The following TMEM117 variants were observed in gnomAD, a reference collection of about 807,000 sequenced individuals.
The protein encoded by TMEM117 is transmembrane protein 117.
TMEM117 carries 27 observed loss-of-function variants against 52.4 expected under a neutral mutation model. The observed-to-expected ratio is 0.51, with a 90% CI of 0.38 to 0.71. The LOEUF (loss-of-function observed/expected upper bound fraction) is 0.71, where lower values mean the gene tolerates loss of function less well. Ranked by LOEUF, TMEM117 falls within the 30% of genes least tolerant of loss-of-function variation. The probability of loss-of-function intolerance (pLI) is 0.00; values close to 1 mark genes in which losing one functional copy is unlikely to be tolerated. For synonymous variants in TMEM117, 215 were observed against 206.3 expected, an observed-to-expected ratio of 1.04 and a Z score of -0.36; for missense variants, 556 against 630.5, an observed-to-expected ratio of 0.88 and a Z score of 1.26.
chr12:44,210,324 A>G (rs10506241), intron 4 of TMEM117, among the ~76,000 whole-genome samples: 15,794 of 152,148 alleles, frequency 0.1, 926 homozygotes, highest in Middle Eastern at 0.2. Context: ...CTCCATCCTC[A>G]TTGGATTTTT....
intron 4 of TMEM117, among the ~76,000 whole-genome samples, chr12:44,152,396 AATAT>A (rs1351887863): frequency 1.9e-5 from 2 of 106,414 alleles, no homozygotes; most frequent in South Asian, 3.1e-4. Context: ...ATTTATATAT[AATAT>A]TTATATCATA....
At chr12:43,912,515 A>ATATATT (rs1300253038) in intron 2 of TMEM117, among the ~76,000 whole-genome samples, 1 of 20,526 alleles carries the variant, frequency 4.9e-5, no homozygotes, top group Non-Finnish European at 6.0e-4. Context: ...ATTTATATAT[A>ATATATT]TATATATATA....
At chr12:43,804,249 CA>C in the TMEM117 span, 1 of 497,978 alleles carries the variant, frequency 2.0e-6, no homozygotes, top group Non-Finnish European at 3.8e-6. Flanking sequence ...AACTGAGACA[CA>C]AAAAGTAAAA....
intron 5 of TMEM117, among the ~76,000 whole-genome samples, chr12:44,227,949 A>T (rs1338721977): frequency 6.6e-6 from 1 of 150,610 alleles, no homozygotes; most frequent in Non-Finnish European, 1.5e-5. Context: ...TACTATTTTT[A>T]TAGCTGAAGA....
chr12:43,946,985 G>A (rs1008327086), intron 3 of TMEM117, among the ~76,000 whole-genome samples: 1 of 152,112 alleles, frequency 6.6e-6, no homozygotes, highest in Non-Finnish European at 1.5e-5. Flanking sequence ...TATATTAAAG[G>A]TGCCACATTT....
the TMEM117 span, among the ~76,000 whole-genome samples, chr12:43,796,219 G>A: frequency 6.6e-6 from 1 of 152,086 alleles, no homozygotes; most frequent in Non-Finnish European, 1.5e-5. Flanking sequence ...GATTATATGT[G>A]GCTTGGCAAA....
At chr12:44,280,779 T>C (rs957603195) in intron 5 of TMEM117, among the ~76,000 whole-genome samples, 2 of 148,764 alleles carry the variant, frequency 1.3e-5, no homozygotes, top group African/African-American at 5.0e-5. Flanking sequence ...TATTTTCCAA[T>C]CTTTTACATT....
intron 5 of TMEM117, among the ~76,000 whole-genome samples, chr12:44,293,509 GCTGT>G (rs1950730967): frequency 1.3e-5 from 2 of 151,818 alleles, no homozygotes; most frequent in South Asian, 2.1e-4. Flanking sequence ...TTTTTCTCCT[GCTGT>G]CTTTCTTTGT....
At chr12:43,886,724 A>C (rs775849305) in intron 2 of TMEM117, among the ~76,000 whole-genome samples, 1 of 152,120 alleles carries the variant, frequency 6.6e-6, no homozygotes, top group African/African-American at 2.4e-5. Flanking sequence ...ACGTTATTTC[A>C]TTAGTCAGGT....
chr12:43,871,122 A>G (rs760148283), intron 2 of TMEM117, among the ~76,000 whole-genome samples: 19 of 141,602 alleles, frequency 1.3e-4, no homozygotes, highest in Non-Finnish European at 2.6e-4. Context: ...TTTGTTTTTG[A>G]GATGGAGTCT....
the TMEM117 span, among the ~76,000 whole-genome samples, chr12:44,397,161 A>G: frequency 1.3e-5 from 2 of 152,176 alleles, no homozygotes; most frequent in African/African-American, 4.8e-5. Flanking sequence ...GAGAGTTAAA[A>G]CAAAGAGCAG....
At chr12:44,110,596 G>A (rs1948042704) in intron 3 of TMEM117, among the ~76,000 whole-genome samples, 1 of 3,000 alleles carries the variant, frequency 3.3e-4, no homozygotes, top group African/African-American at 1.5e-3. Context: ...TGTGCTGCTG[G>A]ATTCGGTTTG....
At chr12:44,372,963 T>C (rs1405850070) in intron 6 of TMEM117, among the ~76,000 whole-genome samples, 1 of 152,246 alleles carries the variant, frequency 6.6e-6, no homozygotes, top group Admixed American at 6.5e-5. Flanking sequence ...CACATTGTGA[T>C]CTTAAATATA....
At chr12:44,016,085 C>A (rs920753614) in intron 3 of TMEM117, among the ~76,000 whole-genome samples, 1 of 152,120 alleles carries the variant, frequency 6.6e-6, no homozygotes, top group Non-Finnish European at 1.5e-5. Flanking sequence ...AGCACTACCC[C>A]CTCCTCCCAA....
intron 6 of TMEM117, among the ~76,000 whole-genome samples, chr12:44,352,758 G>A (rs1270137280): frequency 5.3e-5 from 8 of 152,148 alleles, no homozygotes; most frequent in Admixed American, 2.0e-4. Flanking sequence ...ATAAACATAC[G>A]TGTTCATGTG....
intron 4 of TMEM117, among the ~76,000 whole-genome samples, chr12:44,186,558 G>T (rs1026010726): frequency 6.6e-6 from 1 of 152,132 alleles, no homozygotes; most frequent in South Asian, 2.1e-4. Flanking sequence ...AGGTGAAAAT[G>T]AGAATGATTT....
intron 2 of TMEM117, among the ~76,000 whole-genome samples, chr12:43,915,797 G>A (rs1565749340): frequency 6.6e-6 from 1 of 152,122 alleles, no homozygotes; most frequent in Non-Finnish European, 1.5e-5. Context: ...TGTTTACTGA[G>A]TGTAGTGTTT....
intron 6 of TMEM117, chr12:44,376,391 A>G (rs763825828): frequency 3.1e-6 from 2 of 653,256 alleles, no homozygotes; most frequent in Non-Finnish European, 5.4e-6. Flanking sequence ...CTGAAGATAT[A>G]AGTTATGACT....
intron 6 of TMEM117, among the ~76,000 whole-genome samples, chr12:44,338,770 C>G (rs529111378): frequency 2.0e-5 from 3 of 152,038 alleles, no homozygotes; most frequent in Non-Finnish European, 4.4e-5. Flanking sequence ...AATATATTTT[C>G]TTTAAAGTTG....
Sources: gnomAD v4.1 joint callset for allele counts (sites outside exome capture counted in the v4.1 genomes callset) on GRCh38, gnomAD v4.1.1 for gene constraint, MANE v1.5 for transcripts, NCBI Gene and HGNC (gene_info 2026-07-23, HGNC 2026-07-21) for gene names.